The following SCN2A variants were observed in gnomAD, a reference collection of about 807,000 sequenced individuals.
SCN2A encodes sodium channel protein type 2 subunit alpha.
Under a neutral mutation model 188.7 loss-of-function variants are expected in SCN2A, and 20 were observed. The ratio of observed to expected loss-of-function variants is 0.11; its 90% CI spans 0.07 to 0.15. The LOEUF is 0.15. Among genes scored for constraint, SCN2A ranks in the 10% least tolerant of loss-of-function variants. SCN2A has a pLI of 1.00. For missense variants in SCN2A, 1,278 were observed against 2,445.0 expected (o/e 0.52, Z 10.07); for synonymous variants, 804 against 833.1 (o/e 0.97, Z 0.60).
At chr2:165,245,488 T>C (rs552555140) in intron 1 of SCN2A, 6 of 152,306 alleles carry the variant, frequency 3.9e-5, no homozygotes, top group Admixed American at 1.3e-4. Context: ...AATTACCCAT[T>C]CTTGGGTATT....
intron 1 of SCN2A, among the ~76,000 whole-genome samples, chr2:165,292,998 G>C (rs1014995326): frequency 6.6e-6 from 1 of 152,172 alleles, no homozygotes; most frequent in Admixed American, 6.5e-5. Context: ...TTTTCTGGTT[G>C]CTTTTTAGTG....
intron 3 of SCN2A, among the ~76,000 whole-genome samples, chr2:165,304,907 T>G (rs1168885197): frequency 6.6e-6 from 1 of 152,152 alleles, no homozygotes; most frequent in Non-Finnish European, 1.5e-5. Context: ...GCTACCAAAA[T>G]GATGCATATT....
At chr2:165,387,054 T>C (rs1485539340) in intron 26 of SCN2A, 38 bp downstream of exon 26, 12 of 1,593,702 alleles carry the variant, frequency 7.5e-6, no homozygotes, top group Admixed American at 5.0e-5. Flanking sequence ...AGGAATATAG[T>C]GGTAAAAATA....
intron 14 of SCN2A, among the ~76,000 whole-genome samples, chr2:165,339,899 T>G (rs1699216005): frequency 6.6e-6 from 1 of 152,224 alleles, no homozygotes; most frequent in African/African-American, 2.4e-5. Flanking sequence ...CTTCAAGGCT[T>G]GTTATAAAGC....
In SCN2A at chr2:165,313,750, C is replaced by G. The variant is rs761665229; in HGVS notation, c.1165C>G (p.Leu389Val). The change falls in exon 9 of 27, where the codon CTT becomes GTT. Residue 389 changes from leucine (L) to valine (V), a missense_variant. Leu to Val is a conservative substitution (Grantham distance 32). This residue lies in a region of SCN2A where 42 missense variants were observed against 137.3 expected (regional missense o/e 0.31). Coordinates refer to ENST00000375437, the MANE Select transcript of SCN2A (RefSeq NM_001040142.2). The part of the protein sequence containing the change: ...RLMTQDFWEN[L>V]YQLTLRAAGK... ...CATGACTCAAGACTTCTGGGAAAAC[C>G]TTTATCAACTGGTGAGAACAGATAA... The G allele has an allele frequency of 1.9e-6, 3 of 1,613,518 alleles. No homozygotes were observed. The Admixed American group carries it at 5.0e-5, about 27-fold the overall frequency.
rs1019099077 is a variant in SCN2A, at chr2:165,385,157, A to G, written c.4552-1589A>G. Reference sequence around the variant, plus strand: ...AAAAATCACCATTGGAAGTAATAGAAGCCTCCCAATAGAAAGAGGGCAGAA... The same window carrying G: ...AAAAATCACCATTGGAAGTAATAGAGGCCTCCCAATAGAAAGAGGGCAGAA... On this transcript the variant is annotated intron_variant, in intron 25 of 26. Coordinates refer to ENST00000375437, the MANE Select transcript of SCN2A (RefSeq NM_001040142.2). Among the ~76,000 whole-genome samples the G allele has an allele frequency of 2.6e-5, 4 of 152,256 alleles. No homozygotes were observed. In the South Asian group the frequency reaches 8.3e-4, roughly 32 times the overall value.
chr2:165,329,377 A>G (rs1235520766), intron 13 of SCN2A, among the ~76,000 whole-genome samples: 1 of 152,208 alleles, frequency 6.6e-6, no homozygotes, highest in African/African-American at 2.4e-5. Flanking sequence ...ACACAGATTT[A>G]CTGTAAGTGA....
chr2:165,242,747 T>C (rs1693677087), intron 1 of SCN2A, among the ~76,000 whole-genome samples: 1 of 151,836 alleles, frequency 6.6e-6, no homozygotes, highest in Non-Finnish European at 1.5e-5. Flanking sequence ...AGAGAGAAAA[T>C]TGAGGAAAGA....
intron 23 of SCN2A, 149 bp downstream of exon 23, chr2:165,377,799 A>G (rs1273897817): frequency 1.0e-5 from 6 of 584,576 alleles, no homozygotes; most frequent in South Asian, 2.9e-5. Context: ...TAATCATACT[A>G]TTTCTTTCAA....
chr2:165,360,560 G>A lies in SCN2A; in HGVS notation c.3400-4583G>A, dbSNP rs150734560. ...GGTATCCACCAAAAACATTGTTCAA[G>A]TAATATTTCCACCTGAAAGTAAATG... On this transcript the variant is annotated intron_variant, in intron 17 of 26. Transcript: ENST00000375437. Among the ~76,000 whole-genome samples the A allele has an allele frequency of 2.0e-3, 302 of 151,936 alleles. 2 individuals are homozygous for A. The highest frequency in any genetic ancestry group is 0.016 in the East Asian group (83 of 5,176).
At chr2:165,378,075 G>T (rs1701403849) in intron 23 of SCN2A, among the ~76,000 whole-genome samples, 1 of 151,630 alleles carries the variant, frequency 6.6e-6, no homozygotes, top group African/African-American at 2.4e-5. Flanking sequence ...AAACAATTTA[G>T]TGTTTCTCTT....
chr2:165,321,512 A>G (rs544136707), intron 11 of SCN2A, among the ~76,000 whole-genome samples: 1 of 152,292 alleles, frequency 6.6e-6, no homozygotes, highest in South Asian at 2.1e-4. Flanking sequence ...AGACTGGGCA[A>G]TTTACCAAAG....
At chr2:165,355,458 G>A (rs1489669792) in intron 17 of SCN2A, among the ~76,000 whole-genome samples, 41 of 152,150 alleles carry the variant, frequency 2.7e-4, no homozygotes, top group Non-Finnish European at 1.3e-4. Flanking sequence ...TACAGAGTTG[G>A]AGGTAAAGAG....
intron 25 of SCN2A, 148 bp from the exon 26 acceptor site, chr2:165,386,598 A>C: frequency 1.2e-6 from 1 of 848,792 alleles, no homozygotes; most frequent in Non-Finnish European, 1.8e-6. Flanking sequence ...TGGTTTTGCA[A>C]GGAATTTTTT....
chr2:165,284,332 G>C (rs1042591561), intron 1 of SCN2A, among the ~76,000 whole-genome samples: 2 of 151,924 alleles, frequency 1.3e-5, no homozygotes, highest in African/African-American at 4.8e-5. Context: ...CACCACACCT[G>C]GCTAATTGTT....
chr2:165,246,343 T>G (rs1178320383), intron 1 of SCN2A, among the ~76,000 whole-genome samples: 1 of 152,124 alleles, frequency 6.6e-6, no homozygotes, highest in East Asian at 1.9e-4. Context: ...TTAAATTATT[T>G]TCCTCCAATG....
At chr2:165,310,263 T>C in intron 6 of SCN2A, 60 bp from the exon 7 acceptor site, 1 of 1,542,884 alleles carries the variant, frequency 6.5e-7, no homozygotes, top group Non-Finnish European at 9.0e-7. Flanking sequence ...ATGATATTTT[T>C]GCCGGTAAAA....
intron 17 of SCN2A, among the ~76,000 whole-genome samples, chr2:165,361,086 G>A (rs116398295): frequency 1.3e-5 from 2 of 151,736 alleles, no homozygotes; most frequent in Admixed American, 6.6e-5. Context: ...AACTGCTTTA[G>A]TCAACATATT....
intron 16 of SCN2A, among the ~76,000 whole-genome samples, chr2:165,347,510 G>A (rs1247296453): frequency 1.3e-5 from 2 of 152,128 alleles, no homozygotes; most frequent in Admixed American, 1.3e-4. Context: ...GTTAATGGAT[G>A]CAGCAAACCA....
Sources: gnomAD v4.1 joint callset for allele counts (sites outside exome capture counted in the v4.1 genomes callset) on GRCh38, gnomAD v4.1.1 for gene constraint, gnomAD v4.1.1 regional missense constraint, MANE v1.5 for transcripts, NCBI Gene and HGNC (gene_info 2026-07-23, HGNC 2026-07-21) for gene names.